Variants in MAGI1 observed in about 807,000 individuals in gnomAD.
The protein encoded by MAGI1 is membrane-associated guanylate kinase, WW and PDZ domain-containing protein 1.
MAGI1 carries 58 observed loss-of-function variants against 139.9 expected under a neutral mutation model. That is an observed-to-expected ratio of 0.41 (90% confidence interval 0.34 to 0.52). The LOEUF (loss-of-function observed/expected upper bound fraction) is 0.52, where lower values mean the gene tolerates loss of function less well. Among genes scored for constraint, MAGI1 ranks in the 20% least tolerant of loss-of-function variants. MAGI1 has a pLI of 0.12. For missense variants in MAGI1, 1,874 were observed against 1,901.6 expected (o/e 0.99, Z 0.27); for synonymous variants, 812 against 737.9 (o/e 1.10, Z -1.63).
At chr3:65,584,086 GAAAAAAA>G (rs542674034) in intron 2 of MAGI1, among the ~76,000 whole-genome samples, 1 of 95,860 alleles carries the variant, frequency 1.0e-5, no homozygotes, top group South Asian at 4.3e-4. Context: ...ATCTACTCTT[GAAAAAAA>G]AAAAAAAAAA....
Position 65,762,454 on chromosome 3 carries a change from C to T in MAGI1, c.314-140366G>A, listed in dbSNP as rs911364957. Among the ~76,000 whole-genome samples, 12 of 150,060 alleles carry T rather than the reference C, an allele frequency of 8.0e-5. No individual in the cohort carries two copies. The East Asian group carries it at 1.6e-3, about 20-fold the overall frequency. Reference sequence around the variant, plus strand: ...AAGTGAAGTACAAAGAATGGGAAGGCGGAAAAAAAAAACAGGAAGAAAAAA... The same window carrying T: ...AAGTGAAGTACAAAGAATGGGAAGGTGGAAAAAAAAAACAGGAAGAAAAAA... On this transcript the variant is annotated intron_variant, in intron 1 of 22. Transcript: ENST00000402939.
At chr3:65,782,351 T>G (rs111892233) in intron 1 of MAGI1, among the ~76,000 whole-genome samples, 1 of 151,922 alleles carries the variant, frequency 6.6e-6, no homozygotes, top group Non-Finnish European at 1.5e-5. Context: ...TGTCCTTAGG[T>G]TGGAAAAGTC....
intron 4 of MAGI1, among the ~76,000 whole-genome samples, chr3:65,471,543 C>A (rs1029715018): frequency 6.6e-6 from 1 of 152,098 alleles, no homozygotes; most frequent in Non-Finnish European, 1.5e-5. Context: ...CCACCACCAC[C>A]AATAATCTAC....
intron 1 of MAGI1, among the ~76,000 whole-genome samples, chr3:65,885,920 A>G (rs182230124): frequency 1.3e-5 from 2 of 152,366 alleles, no homozygotes; most frequent in Non-Finnish European, 2.9e-5. Context: ...ATGTGTATAC[A>G]TGCATACACA....
chr3:65,440,297 A>C (rs2107415609), intron 8 of MAGI1, among the ~76,000 whole-genome samples: 1 of 152,288 alleles, frequency 6.6e-6, no homozygotes, highest in East Asian at 1.9e-4. Flanking sequence ...TCTTATGAAT[A>C]AGGAAAGTAA....
At chr3:65,719,974 CT>C (rs1189128251) in intron 1 of MAGI1, 1 of 152,196 alleles carries the variant, frequency 6.6e-6, no homozygotes, top group Non-Finnish European at 1.5e-5. Context: ...TCCTTAAGAG[CT>C]CTTACCCTGA....
At chr3:65,604,939 T>C (rs895779658) in intron 2 of MAGI1, among the ~76,000 whole-genome samples, 3 of 152,202 alleles carry the variant, frequency 2.0e-5, no homozygotes, top group Admixed American at 2.0e-4. Context: ...TCTTGGAATG[T>C]ACTCAAATGG....
intron 1 of MAGI1, among the ~76,000 whole-genome samples, chr3:65,680,612 G>A (rs2087516297): frequency 6.6e-6 from 1 of 152,140 alleles, no homozygotes; most frequent in Non-Finnish European, 1.5e-5. Flanking sequence ...GTAGAGACAA[G>A]GTCTTGCTAT....
chr3:65,883,455 C>T (rs1559975000), intron 1 of MAGI1, among the ~76,000 whole-genome samples: 1 of 152,138 alleles, frequency 6.6e-6, no homozygotes, highest in East Asian at 1.9e-4. Context: ...GAATTTAATA[C>T]TTGCTAGACA....
chr3:65,810,571 G>A (rs562770938), intron 1 of MAGI1, among the ~76,000 whole-genome samples: 10 of 152,352 alleles, frequency 6.6e-5, no homozygotes, highest in African/African-American at 2.4e-4. Flanking sequence ...CGAATGAACT[G>A]ATGGGTGTTT....
intron 1 of MAGI1, among the ~76,000 whole-genome samples, chr3:66,024,899 A>G (rs2068164883): frequency 6.6e-6 from 1 of 152,234 alleles, no homozygotes; most frequent in African/African-American, 2.4e-5. Flanking sequence ...TATCTTTACA[A>G]GTGAGATAAG....
intron 1 of MAGI1, among the ~76,000 whole-genome samples, chr3:66,026,954 T>C (rs974864105): frequency 6.6e-6 from 1 of 151,860 alleles, no homozygotes; most frequent in Non-Finnish European, 1.5e-5. Context: ...TTTTTCTTTT[T>C]TTTTTCTTCT....
At chr3:65,372,666 T>G (rs1942118848) in intron 18 of MAGI1, among the ~76,000 whole-genome samples, 1 of 152,224 alleles carries the variant, frequency 6.6e-6, no homozygotes, top group Non-Finnish European at 1.5e-5. Flanking sequence ...ACTGAAAATC[T>G]GTCATTTTGT....
At chr3:65,975,657 A>T (rs1481458118) in intron 1 of MAGI1, among the ~76,000 whole-genome samples, 1 of 152,052 alleles carries the variant, frequency 6.6e-6, no homozygotes, top group Non-Finnish European at 1.5e-5. Flanking sequence ...TAAAAATTAA[A>T]AATAAAATAA....
intron 1 of MAGI1, among the ~76,000 whole-genome samples, chr3:65,932,086 G>A (rs2062831331): frequency 6.6e-6 from 1 of 152,102 alleles, no homozygotes; most frequent in Admixed American, 6.6e-5. Flanking sequence ...TAATGTTTGT[G>A]GACACAAATG....
chr3:65,778,548 T>C (rs1334235672), intron 1 of MAGI1, among the ~76,000 whole-genome samples: 1 of 152,092 alleles, frequency 6.6e-6, no homozygotes, highest in Non-Finnish European at 1.5e-5. Flanking sequence ...CCTTTACATA[T>C]GCAATCTGTG....
chr3:65,946,805 T>C (rs889521238), intron 1 of MAGI1, among the ~76,000 whole-genome samples: 3 of 152,178 alleles, frequency 2.0e-5, no homozygotes, highest in African/African-American at 7.2e-5. Flanking sequence ...ATGTTAAATA[T>C]TAAAAATGCT....
At chr3:65,615,571 C>T (rs1007289528) in intron 2 of MAGI1, among the ~76,000 whole-genome samples, 1 of 152,162 alleles carries the variant, frequency 6.6e-6, no homozygotes, top group African/African-American at 2.4e-5. Flanking sequence ...ATGCTGCTGG[C>T]ATTTATGAGG....
chr3:65,930,787 G>C (rs189869654), intron 1 of MAGI1, among the ~76,000 whole-genome samples: 1 of 152,062 alleles, frequency 6.6e-6, no homozygotes, highest in South Asian at 2.1e-4. Context: ...GCATTAGAAG[G>C]CTAAAAGACA....
Sources: allele counts gnomAD v4.1 joint callset (sites outside exome capture counted in the v4.1 genomes callset), GRCh38; gene constraint gnomAD v4.1.1; transcripts MANE v1.5; gene names NCBI Gene and HGNC (gene_info 2026-07-23, HGNC 2026-07-21).